Variants in SCUBE1 observed in about 807,000 individuals in gnomAD.
SCUBE1 encodes the protein signal peptide, CUB and EGF-like domain-containing protein 1.
Under a neutral mutation model 124.4 loss-of-function variants are expected in SCUBE1, and 59 were observed. That is an observed-to-expected ratio of 0.47 (90% confidence interval 0.38 to 0.59). SCUBE1 has a LOEUF of 0.59. Ranked by LOEUF, SCUBE1 falls within the 20% of genes least tolerant of loss-of-function variation. SCUBE1 has a pLI of 0.00. For missense variants in SCUBE1, 1,150 were observed against 1,371.2 expected (o/e 0.84, Z 2.55); for synonymous variants, 545 against 550.9 (o/e 0.99, Z 0.15).
chr22:43,236,225 T>C (rs990180408), intron 7 of SCUBE1, among the ~76,000 whole-genome samples: 5 of 152,116 alleles, frequency 3.3e-5, no homozygotes, highest in African/African-American at 1.2e-4. Flanking sequence ...CCTGTGCCTC[T>C]CCAGCCAGGG....
At position 43,234,734 on chromosome 22, in the gene SCUBE1, C is replaced by T. The variant is rs1034488359; in HGVS notation, c.845-2859G>A. 7.9e-5 allele frequency among the ~76,000 whole-genome samples: 12 copies of T among 152,248 alleles called. No individual in the cohort carries two copies. The highest frequency in any genetic ancestry group is 2.1e-4 in the South Asian group (1 of 4,828). ...ACACCAGGCAGCCAGCACCACCTTC[C>T]GCACACAAATCTGGCTGAGTCCCTG... On this transcript the variant is annotated intron_variant, in intron 7 of 21. Coordinates refer to ENST00000360835, the MANE Select transcript of SCUBE1 (RefSeq NM_173050.5). This position sits in a 1 kb window ranked among gnomAD's most constrained non-coding sequence, Gnocchi z 4.4.
At chr22:43,229,234 G>A (rs775993493) in intron 8 of SCUBE1, 46 bp from the exon 9 acceptor site, 1 of 1,114,368 alleles carries the variant, frequency 9.0e-7, no homozygotes, top group Admixed American at 1.7e-5. Flanking sequence ...GTTTGAGGGA[G>A]TGGTGGGTGG....
At chr22:43,311,853 C>T (rs1179938487) in intron 3 of SCUBE1, among the ~76,000 whole-genome samples, 1 of 152,176 alleles carries the variant, frequency 6.6e-6, no homozygotes, top group African/African-American at 2.4e-5. Flanking sequence ...TACCACTCTA[C>T]ATTATATCCT....
chr22:43,250,659 G>A lies in SCUBE1; in HGVS notation c.727+7560C>T, dbSNP rs569675892. Among the ~76,000 whole-genome samples, 15 of 151,388 alleles carry A rather than the reference G, an allele frequency of 9.9e-5. 1 individual carries two copies. The South Asian group carries it at 2.7e-3, about 28-fold the overall frequency. On this transcript the variant is annotated intron_variant, in intron 6 of 21. Coordinates refer to ENST00000360835, the MANE Select transcript of SCUBE1 (RefSeq NM_173050.5). ...CCATGTCGTCATCTCTAAAACACTC[G>A]CACTGCTCTCAGGGTGGCTGTGAGG...
Position 43,223,195 on chromosome 22 carries a change from C to T in SCUBE1, c.1229G>A (p.Arg410His), listed in dbSNP as rs563690047. ...DCVETGKCLS[R>H]AKTSPRAQLS... ...CTGGGCCCGGGGGGAGGTCTTGGCG[C>T]GAGAAAGACACTTGCCTGTCTCTAT... The change falls in exon 11 of 22, where the codon CGC becomes CAC. Residue 410 changes from arginine (R) to histidine (H), a missense_variant. By Grantham distance (29) the Arg-to-His change is conservative. Coordinates refer to ENST00000360835, the MANE Select transcript of SCUBE1 (RefSeq NM_173050.5). 1.6e-5 allele frequency: 25 copies of T among 1,569,576 alleles called. No homozygotes were observed. Among genetic ancestry groups the T allele is most frequent in the South Asian group, 4.8e-5 (4 of 83,396 alleles).
chr22:43,259,792 A>G (rs1294067974), intron 5 of SCUBE1, among the ~76,000 whole-genome samples: 4 of 152,216 alleles, frequency 2.6e-5, no homozygotes, highest in African/African-American at 9.6e-5. Flanking sequence ...GACCATCCAG[A>G]GGACGGAGCT....
At chr22:43,324,441 G>T (rs9623809) in intron 2 of SCUBE1, among the ~76,000 whole-genome samples, 53 of 152,050 alleles carry the variant, frequency 3.5e-4, no homozygotes, top group Middle Eastern at 3.4e-3. Flanking sequence ...CCAATCCCCA[G>T]GCCTGCTGTG....
intron 4 of SCUBE1, among the ~76,000 whole-genome samples, chr22:43,265,938 T>C (rs1350581546): frequency 6.6e-6 from 1 of 151,860 alleles, no homozygotes; most frequent in African/African-American, 2.4e-5. Flanking sequence ...CCGTCTCTAC[T>C]AAAAATACAA....
At chr22:43,267,729 G>A (rs1361733099) in intron 4 of SCUBE1, among the ~76,000 whole-genome samples, 2 of 152,158 alleles carry the variant, frequency 1.3e-5, no homozygotes, top group African/African-American at 2.4e-5. Context: ...GAGCACCTGC[G>A]GTATCCTCTG....
intron 8 of SCUBE1, among the ~76,000 whole-genome samples, chr22:43,230,430 T>C (rs1601813924): frequency 9.1e-6 from 1 of 110,108 alleles, no homozygotes; most frequent in South Asian, 2.6e-4. Flanking sequence ...AAGATGAGCC[T>C]GGAAGGGGGT....
intron 2 of SCUBE1, among the ~76,000 whole-genome samples, chr22:43,328,439 A>C (rs1211634080): frequency 2.0e-5 from 3 of 152,128 alleles, no homozygotes; most frequent in African/African-American, 7.2e-5. Flanking sequence ...CAAAAACTGC[A>C]GGCTCTGTGG....
chr22:43,266,731 T>C (rs925906970), intron 4 of SCUBE1, among the ~76,000 whole-genome samples: 5 of 152,068 alleles, frequency 3.3e-5, no homozygotes, highest in Admixed American at 1.3e-4. Flanking sequence ...GGGGAACCGA[T>C]TTGGGAACCT....
At chr22:43,273,471 T>C (rs1924369871) in intron 4 of SCUBE1, among the ~76,000 whole-genome samples, 1 of 151,676 alleles carries the variant, frequency 6.6e-6, no homozygotes, top group Admixed American at 6.6e-5. Context: ...TCGACAGCGC[T>C]GATTTGCGTC....
rs181330285 is a variant in SCUBE1, at chr22:43,325,006, T to C, written c.221-4941A>G. Among the ~76,000 whole-genome samples the C allele has an allele frequency of 2.5e-3, 367 of 148,550 alleles. 1 individual carries two copies. The highest frequency in any genetic ancestry group is 3.1e-3 in the Non-Finnish European group (208 of 67,336). Reference sequence around the variant, plus strand: ...TGCTGCTGTCCTAAGAAGAGGGAAATTGGACACAGACATACAGGGAGAAGA... The same window carrying C: ...TGCTGCTGTCCTAAGAAGAGGGAAACTGGACACAGACATACAGGGAGAAGA... On this transcript the variant is annotated intron_variant, in intron 2 of 21. Transcript: ENST00000360835.
At chr22:43,310,468 A>G (rs568335849) in intron 3 of SCUBE1, among the ~76,000 whole-genome samples, 2 of 152,276 alleles carry the variant, frequency 1.3e-5, no homozygotes, top group African/African-American at 2.4e-5. Context: ...GGCTGCCCAT[A>G]GTGTCCTGGC....
chr22:43,330,937 T>C lies in SCUBE1; in HGVS notation c.220+8167A>G, dbSNP rs1205562785. On this transcript the variant is annotated intron_variant, in intron 2 of 21. Coordinates refer to ENST00000360835, the MANE Select transcript of SCUBE1 (RefSeq NM_173050.5). ...GTTTTAAGACTTGAAGGAGAAGAAT[T>C]TCCCCTTCTCTCCCCGCTGAGCCTC... Among the ~76,000 whole-genome samples the C allele has an allele frequency of 2.6e-5, 4 of 152,102 alleles. No individual in the cohort carries two copies. The East Asian group carries it at 7.7e-4, about 29-fold the overall frequency.
chr22:43,305,406 G>A (rs1925930244), intron 3 of SCUBE1, among the ~76,000 whole-genome samples: 1 of 152,196 alleles, frequency 6.6e-6, no homozygotes, highest in South Asian at 2.1e-4. Flanking sequence ...GGCAGGGAGG[G>A]CAAGGGAGCA....
rs1305512148 is a variant in SCUBE1 at position 43,210,844 on chromosome 22, C to G, written c.2383+78G>C. On this transcript the variant is annotated intron_variant, in intron 18 of 21. Coordinates refer to ENST00000360835, the MANE Select transcript of SCUBE1 (RefSeq NM_173050.5). The surrounding 1 kb of genome is among the most constrained non-coding windows in gnomAD (Gnocchi z 4.5). ...TGTCCTCGTGGAGCTCGTGTGAGAT[C>G]AGGTCTCCTCCCGCCCCCACAACCT... 6.5e-7 allele frequency: 1 copy of G among 1,533,182 alleles called. No individual in the cohort carries two copies. The highest frequency in any genetic ancestry group is 1.7e-5 in the Admixed American group (1 of 59,010). 95.0% of individuals were successfully genotyped at this position (1,533,182 alleles called of 1,614,324 possible).
rs1418268722 is a variant in SCUBE1, at chr22:43,251,069, A to C, written c.727+7150T>G. 2.0e-5 allele frequency among the ~76,000 whole-genome samples: 3 copies of C among 152,150 alleles called. No homozygotes were observed. In the East Asian group the frequency reaches 5.8e-4, roughly 29 times the overall value. On this transcript the variant is annotated intron_variant, in intron 6 of 21. Coordinates refer to ENST00000360835, the MANE Select transcript of SCUBE1 (RefSeq NM_173050.5). ...CAGGGCTGTGGGGGAGACTCACTGG[A>C]AAGCTGCCTGGAAAGTCCCTTGCAA...
Sources: gnomAD v4.1 joint callset for allele counts (sites outside exome capture counted in the v4.1 genomes callset) on GRCh38, gnomAD v4.1.1 for gene constraint, Gnocchi (gnomAD v3.1) non-coding constraint, MANE v1.5 for transcripts, NCBI Gene and HGNC (gene_info 2026-07-23, HGNC 2026-07-21) for gene names.